Variants in CSMD1 observed in about 807,000 individuals in gnomAD.
The protein encoded by CSMD1 is CUB and sushi domain-containing protein 1.
A neutral mutation model predicts 417.5 loss-of-function variants in CSMD1; 213 were observed. The observed-to-expected ratio is 0.51, with a 90% CI of 0.46 to 0.57. The LOEUF (loss-of-function observed/expected upper bound fraction) is 0.57, where lower values mean the gene tolerates loss of function less well. Ranked by LOEUF, CSMD1 falls within the 20% of genes least tolerant of loss-of-function variation. The probability of loss-of-function intolerance (pLI) is 0.00; values close to 1 mark genes in which losing one functional copy is unlikely to be tolerated. For synonymous variants in CSMD1, 2,862 were observed against 1,736.8 expected, an observed-to-expected ratio of 1.65 and a Z score of -16.11; for missense variants, 6,923 against 4,529.7, an observed-to-expected ratio of 1.53 and a Z score of -15.17.
At chr8:4,788,447 C>G (rs1797524036) in intron 1 of CSMD1, 1 of 1,324,304 alleles carries the variant, frequency 7.6e-7, no homozygotes. Flanking sequence ...CACACTTTCT[C>G]CAGAAGGATC....
At chr8:4,624,391 G>T (rs1801975332) in intron 2 of CSMD1, among the ~76,000 whole-genome samples, 1 of 152,102 alleles carries the variant, frequency 6.6e-6, no homozygotes, top group Non-Finnish European at 1.5e-5. Context: ...AACCAGTTTT[G>T]GGGTCAACTT....
intron 5 of CSMD1, among the ~76,000 whole-genome samples, chr8:3,838,589 C>A (rs1396540372): frequency 7.8e-6 from 1 of 128,962 alleles, no homozygotes; most frequent in African/African-American, 3.0e-5. Flanking sequence ...ATCTATAGTC[C>A]CTCTCTATAT....
At position 3,367,192 on chromosome 8, in the gene CSMD1, C is replaced by A. The variant is rs376056243; in HGVS notation, c.2955G>T (p.Leu985=). ...FHLESSHDYL[L]ITEDGSFSEP... Reference sequence around the variant, plus strand: ...CGGAAAAACTTCCATCCTCTGTGATCAGTAAATAGTCGTGGGAACTCTCAA... The same window carrying A: ...CGGAAAAACTTCCATCCTCTGTGATAAGTAAATAGTCGTGGGAACTCTCAA... The change falls in exon 20 of 70, where the codon CTG becomes CTT. Residue 985 remains leucine (L), a synonymous_variant. Transcript: ENST00000635120. 6.2e-7 allele frequency: 1 copy of A among 1,613,372 alleles called. No individual in the cohort carries two copies. Among genetic ancestry groups the A allele is most frequent in the Non-Finnish European group, 8.5e-7 (1 of 1,179,750 alleles).
Position 2,938,648 on chromosome 8 carries a change from T to C in CSMD1, c.10632A>G (p.Lys3544=). The C allele has an allele frequency of 1.2e-6, 2 of 1,611,562 alleles. No individual in the cohort carries two copies. The highest frequency in any genetic ancestry group is 1.7e-6 in the Non-Finnish European group (2 of 1,178,844). ...FENPMYDTNL[K]PTEAKAVRFD... The stretch of plus-strand genomic sequence containing the variant: ...ACCTCACAGCCTTGGCTTCTGTGGG[T>C]TTTAAGTTTGTATCATACATGGGGT... Residue 3544 remains lysine, a synonymous_variant, in exon 70 of 70, where the codon AAA becomes AAG. Transcript: ENST00000635120.
intron 36 of CSMD1, 139 bp downstream of exon 36, chr8:3,187,730 C>T: frequency 1.6e-6 from 1 of 623,564 alleles, no homozygotes; most frequent in Non-Finnish European, 2.9e-6. Flanking sequence ...CTAAGACTTT[C>T]AGCACTAGAG....
rs527311971 is a variant in CSMD1 at position 4,294,357 on chromosome 8, G to C, written c.415+125596C>G. 1.9e-3 allele frequency among the ~76,000 whole-genome samples: 285 copies of C among 152,272 alleles called. 2 individuals carry two copies. The highest frequency in any genetic ancestry group is 1.6e-3 in the Non-Finnish European group (110 of 68,030). ...TTCAAAATAAACCCAAGATTCTAGAGACAGTATTCCAGAGAGTGCAAGATG... is the reference window on the plus strand; with the variant it reads ...TTCAAAATAAACCCAAGATTCTAGACACAGTATTCCAGAGAGTGCAAGATG... On this transcript the variant is annotated intron_variant, in intron 3 of 69. Coordinates refer to ENST00000635120, the MANE Select transcript of CSMD1 (RefSeq NM_033225.6).
rs191196862 is a variant in CSMD1, at chr8:4,279,533, C to A, written c.415+140420G>T. Among the ~76,000 whole-genome samples the A allele has an allele frequency of 1.9e-3, 284 of 152,276 alleles. 2 individuals are homozygous for A. Among genetic ancestry groups the A allele is most frequent in the Non-Finnish European group, 3.0e-3 (204 of 68,026 alleles). ...CAATGTCAATACAGTGTGGTTAGTGCAACTTTAGCAATGTATCCTCTAATA... is the reference window on the plus strand; with the variant it reads ...CAATGTCAATACAGTGTGGTTAGTGAAACTTTAGCAATGTATCCTCTAATA... On this transcript the variant is annotated intron_variant, in intron 3 of 69. Transcript: ENST00000635120.
In CSMD1 at chr8:3,230,076, G is replaced by C. The variant is rs776412760; in HGVS notation, c.4309C>G (p.Arg1437Gly). ...AKITCVQLNN[R>G]FFWQPDPPTC... is the part of the protein sequence containing the mutation. ...GGAGGGTCTGGTTGCCAAAAGAACC[G>C]GTTATTCAGCTGCACACAGGTGATT... Residue 1437 changes from arginine (R) to glycine (G), a missense_variant, in exon 27 of 70, where the codon CGG becomes GGG. Coordinates refer to ENST00000635120, the MANE Select transcript of CSMD1 (RefSeq NM_033225.6). 19 of 1,610,676 alleles carry C rather than the reference G, an allele frequency of 1.2e-5. No individual in the cohort carries two copies. Among genetic ancestry groups the C allele is most frequent in the Middle Eastern group, 1.7e-4 (1 of 6,058 alleles).
chr8:4,530,064 G>A (rs1211064505), intron 2 of CSMD1, among the ~76,000 whole-genome samples: 2 of 151,584 alleles, frequency 1.3e-5, no homozygotes, highest in Admixed American at 6.6e-5. Context: ...ACAGGTGCCC[G>A]CCACCACGCC....
At chr8:4,140,803 G>C (rs189196356) in intron 3 of CSMD1, among the ~76,000 whole-genome samples, 1 of 150,826 alleles carries the variant, frequency 6.6e-6, no homozygotes, top group East Asian at 1.9e-4. Flanking sequence ...GATTTTCTAA[G>C]CGTGTAAATG....
chr8:4,085,208 G>T (rs34384606), intron 3 of CSMD1, among the ~76,000 whole-genome samples: 1 of 152,116 alleles, frequency 6.6e-6, no homozygotes, highest in Admixed American at 6.5e-5. Context: ...CTTCAGCCCA[G>T]CTAGACATGA....
chr8:3,853,916 A>G (rs1056421837), intron 5 of CSMD1, among the ~76,000 whole-genome samples: 1 of 147,048 alleles, frequency 6.8e-6, no homozygotes, highest in Non-Finnish European at 1.5e-5. Context: ...AATACATTAA[A>G]GTATAATATA....
At chr8:3,714,131 T>A (rs1585120525) in intron 6 of CSMD1, among the ~76,000 whole-genome samples, 1 of 150,088 alleles carries the variant, frequency 6.7e-6, no homozygotes, top group South Asian at 2.1e-4. Flanking sequence ...ATATAACATA[T>A]AAGTTTATAC....
chr8:4,645,444 C>CA (rs549511320), intron 1 of CSMD1, among the ~76,000 whole-genome samples: 2,057 of 36,420 alleles, frequency 0.056, 111 homozygotes, highest in African/African-American at 0.092. Flanking sequence ...AGTGCAGGGG[C>CA]AAAAAAAAAA....
rs187727272 is a variant in CSMD1 at position 3,590,786 on chromosome 8, T to A, written c.1098-4526A>T. On this transcript the variant is annotated intron_variant, in intron 8 of 69. Coordinates refer to ENST00000635120, the MANE Select transcript of CSMD1 (RefSeq NM_033225.6). ...GGAGGAGACTCCACGTGGGAATAAA[T>A]CAAGTTGAGGCAGAAACTAAATAAG... 1.4e-4 allele frequency among the ~76,000 whole-genome samples: 21 copies of A among 152,234 alleles called. No individual in the cohort carries two copies. The East Asian group carries it at 4.1e-3, about 29-fold the overall frequency.
intron 12 of CSMD1, among the ~76,000 whole-genome samples, chr8:3,438,670 C>T (rs576284988): frequency 6.6e-6 from 1 of 152,158 alleles, no homozygotes; most frequent in Non-Finnish European, 1.5e-5. Flanking sequence ...GGGTGATTTC[C>T]TGTCTTTGAC....
rs544664057 is a variant in CSMD1, at chr8:3,656,562, G to C, written c.1010-39765C>G. 2.6e-5 allele frequency among the ~76,000 whole-genome samples: 4 copies of C among 152,284 alleles called. No homozygotes were observed. In the South Asian group the frequency reaches 8.3e-4, roughly 32 times the overall value. Reference sequence around the variant, plus strand: ...GGTAGATGCTCAAATGAGAACATGAGATGGGAGAGGAGTTTTCTTACGAAG... The same window carrying C: ...GGTAGATGCTCAAATGAGAACATGACATGGGAGAGGAGTTTTCTTACGAAG... On this transcript the variant is annotated intron_variant, in intron 7 of 69. Transcript: ENST00000635120.
intron 1 of CSMD1, among the ~76,000 whole-genome samples, chr8:4,703,589 T>G (rs1807725619): frequency 6.6e-6 from 1 of 152,122 alleles, no homozygotes; most frequent in African/African-American, 2.4e-5. Context: ...ATGAAAACAC[T>G]TTGGTGTTAA....
chr8:3,178,567 T>C (rs1233765952), intron 37 of CSMD1, among the ~76,000 whole-genome samples: 1 of 152,150 alleles, frequency 6.6e-6, no homozygotes, highest in Non-Finnish European at 1.5e-5. Flanking sequence ...TGCCATCTGT[T>C]ATTAACAGTG....
Sources: allele counts gnomAD v4.1 joint callset (sites outside exome capture counted in the v4.1 genomes callset), GRCh38; gene constraint gnomAD v4.1.1; transcripts MANE v1.5; gene names NCBI Gene and HGNC (gene_info 2026-07-23, HGNC 2026-07-21).